TREH: variants seen among roughly 807,000 people sequenced by gnomAD.
TREH encodes the protein trehalase, also known as alpha,alpha-trehalose glucohydrolase.
TREH carries 69 observed loss-of-function variants against 80.5 expected under a neutral mutation model. The ratio of observed to expected loss-of-function variants is 0.86; its 90% CI spans 0.71 to 1.05. The LOEUF (loss-of-function observed/expected upper bound fraction) is 1.05, where lower values mean the gene tolerates loss of function less well. TREH is among the 50% of genes least tolerant of loss of function. The pLI is 0.00. For missense variants in TREH, 716 were observed against 718.8 expected, an observed-to-expected ratio of 1.00 and a Z score of 0.04; for synonymous variants, 309 against 293.5, an observed-to-expected ratio of 1.05 and a Z score of -0.54.
intron 1 of TREH, among the ~76,000 whole-genome samples, chr11:118,679,232 G>T (rs1949509975): frequency 6.6e-6 from 1 of 152,110 alleles, no homozygotes; most frequent in Non-Finnish European, 1.5e-5. Flanking sequence ...AGCTACTCAG[G>T]AGGCTGAGGC....
rs781859386 is a variant in TREH, at chr11:118,661,637, G to A, written c.617C>T (p.Thr206Ile). Residue 206 changes from threonine (T) to isoleucine (I), a missense_variant and splice_region_variant, in exon 6 of 15, where the codon ACC (threonine) becomes ATC (isoleucine). Transcript: ENST00000264029. The surrounding 1 kb of genome is among the most constrained non-coding windows in gnomAD (Gnocchi z 4.2). ...MLQNFLDLVK[T>I]YGHVPNGGRV... ...GCTGGAGGTGCCTGGCCCCCCTCAC[G>A]TTTTCACCAGGTCCAAGAAGTTCTG... is the stretch of plus-strand genomic sequence containing the variant. The A allele has an allele frequency of 1.5e-5, 25 of 1,613,868 alleles. No individual in the cohort carries two copies. The highest frequency in any genetic ancestry group is 2.0e-5 in the Non-Finnish European group (24 of 1,179,876).
Position 118,659,425 on chromosome 11 carries a change from G to T in TREH, c.1377C>A (p.Gly459=). The change falls in exon 12 of 15, where the codon GGC becomes GGA. Residue 459 remains glycine (G), a synonymous_variant. Coordinates refer to ENST00000264029, the MANE Select transcript of TREH (RefSeq NM_007180.3). ...YGIPTSLQKT[G]QQWDFPNAWA... The stretch of plus-strand genomic sequence containing the variant: ...AGGCATTGGGGAAATCCCACTGCTG[G>T]CCTGTCTTCTGGAGAGAGGTCGGGA... The T allele has an allele frequency of 3.7e-6, 6 of 1,607,878 alleles. No individual in the cohort carries two copies. The highest frequency in any genetic ancestry group is 5.1e-6 in the Non-Finnish European group (6 of 1,176,880).
intron 1 of TREH, among the ~76,000 whole-genome samples, chr11:118,668,219 A>G (rs1949396261): frequency 6.6e-6 from 1 of 152,060 alleles, no homozygotes; most frequent in South Asian, 2.1e-4. Context: ...ATATTAGAGG[A>G]GGAGGGAATA....
chr11:118,664,817 T>C (rs1810274344), intron 1 of TREH, among the ~76,000 whole-genome samples: 1 of 152,092 alleles, frequency 6.6e-6, no homozygotes, highest in Admixed American at 6.5e-5. Flanking sequence ...CCTTCAAAAA[T>C]GTGTGCTCTG....
chr11:118,664,154 C>A (rs980538945), intron 1 of TREH, among the ~76,000 whole-genome samples: 9 of 152,110 alleles, frequency 5.9e-5, no homozygotes, highest in Non-Finnish European at 1.3e-4. Context: ...TTGGAAGCAC[C>A]GAGGAGCTGA....
Position 118,661,915 on chromosome 11 carries a change from C to T in TREH, c.499G>A (p.Gly167Ser), listed in dbSNP as rs368350996. 4.9e-5 allele frequency: 76 copies of T among 1,555,966 alleles called. No homozygotes were observed. Among genetic ancestry groups the T allele is most frequent in the Non-Finnish European group, 6.1e-5 (70 of 1,149,528 alleles). ...CAGTAGTAGAACTCAACAAAGCGAC[C>T]GCCAGGCACAATGAAGGGATGTTCT... is the stretch of plus-strand genomic sequence containing the variant. ...YSEHPFIVPG[G>S]RFVEFYYWDS... Residue 167 changes from glycine (G) to serine (S), a missense_variant, in exon 5 of 15, where the codon GGT becomes AGT. Gly to Ser is a moderately conservative substitution (Grantham distance 56). Coordinates refer to ENST00000264029, the MANE Select transcript of TREH (RefSeq NM_007180.3). The surrounding 1 kb of genome is among the most constrained non-coding windows in gnomAD (Gnocchi z 4.2).
At chr11:118,668,864 T>C (rs57169119) in intron 1 of TREH, among the ~76,000 whole-genome samples, 1,598 of 152,086 alleles carry the variant, frequency 0.011, 24 homozygotes, top group African/African-American at 0.035. Flanking sequence ...TGCATGAACC[T>C]GGGAGGCAGA....
At chr11:118,668,548 T>A (rs1410318360) in intron 1 of TREH, among the ~76,000 whole-genome samples, 4 of 93,948 alleles carry the variant, frequency 4.3e-5, no homozygotes, top group Non-Finnish European at 7.5e-5. Flanking sequence ...GGCAACAGGG[T>A]GAGACTCTGT....
At position 118,661,286 on chromosome 11, in the gene TREH, G is replaced by T; in HGVS notation, c.735-4C>A. 1 of 1,613,978 alleles carries T rather than the reference G, an allele frequency of 6.2e-7. No individual in the cohort carries two copies. The highest frequency in any genetic ancestry group is 1.1e-5 in the South Asian group (1 of 91,074). ...GGCTAGTGTTTCAATGTTTTCCCTG[G>T]AGTGAAGCAGACAACACCTCAGCCC... On this transcript the variant is annotated splice_polypyrimidine_tract_variant and splice_region_variant and intron_variant, in intron 7 of 14. Transcript: ENST00000264029. The surrounding 1 kb of genome is among the most constrained non-coding windows in gnomAD (Gnocchi z 4.2).
intron 1 of TREH, among the ~76,000 whole-genome samples, chr11:118,668,850 G>T (rs1179921937): frequency 6.6e-6 from 1 of 152,044 alleles, no homozygotes; most frequent in African/African-American, 2.4e-5. Flanking sequence ...TGAGGCAGGA[G>T]AATTGCATGA....
intron 4 of TREH, among the ~76,000 whole-genome samples, chr11:118,662,382 T>TG (rs1210374172): frequency 6.6e-6 from 1 of 152,214 alleles, no homozygotes; most frequent in Non-Finnish European, 1.5e-5. Flanking sequence ...CCCAGAGGAT[T>TG]GGCCCATCAC....
At position 118,661,355 on chromosome 11, in the gene TREH, G is replaced by A. The variant is rs1591829647; in HGVS notation, c.734+38C>T. The A allele has an allele frequency of 6.2e-7, 1 of 1,613,976 alleles. No individual in the cohort carries two copies. Among genetic ancestry groups the A allele is most frequent in the Non-Finnish European group, 8.5e-7 (1 of 1,179,848 alleles). Reference sequence around the variant, plus strand: ...CAGCCCTGAGAGGTCTGAGGGATGGGTGGGTCTGCAGAGCAGCACAGGGAG... The same window carrying A: ...CAGCCCTGAGAGGTCTGAGGGATGGATGGGTCTGCAGAGCAGCACAGGGAG... On this transcript the variant is annotated intron_variant, in intron 7 of 14. Coordinates refer to ENST00000264029, the MANE Select transcript of TREH (RefSeq NM_007180.3). This position sits in a 1 kb window ranked among gnomAD's most constrained non-coding sequence, Gnocchi z 4.2.
chr11:118,659,508 CTG>C, intron 11 of TREH, 27 bp from the exon 12 acceptor site: 2 of 1,532,258 alleles, frequency 1.3e-6, no homozygotes, highest in Non-Finnish European at 1.8e-6. Context: ...ATTCCCATGA[CTG>C]TGGGTGGGGC....
rs1368707525 is a variant in TREH at position 118,659,095 on chromosome 11, C to T, written c.1433-78G>A. The T allele has an allele frequency of 2.1e-6, 3 of 1,435,446 alleles. No individual in the cohort carries two copies. In the African/African-American group the frequency reaches 4.2e-5, roughly 20 times the overall value. 88.9% of individuals were successfully genotyped at this position (1,435,446 alleles called of 1,614,324 possible). ...AGCAGTGGCTGCACCCTACTCTCCC[C>T]AAGGAGGGAAAGAGGCCTGGGCCCT... On this transcript the variant is annotated intron_variant, in intron 12 of 14. Transcript: ENST00000264029.
intron 4 of TREH, among the ~76,000 whole-genome samples, chr11:118,662,195 G>A (rs1183972362): frequency 6.6e-6 from 1 of 151,986 alleles, no homozygotes; most frequent in African/African-American, 2.4e-5. Flanking sequence ...GCCGGCCTTG[G>A]GAGTCCCAGC....
At chr11:118,664,807 C>T (rs1399715723) in intron 1 of TREH, among the ~76,000 whole-genome samples, 6 of 152,218 alleles carry the variant, frequency 3.9e-5, no homozygotes, top group East Asian at 1.9e-4. Context: ...GGCTTACATA[C>T]CTTCAAAAAT....
At chr11:118,662,026 T>C (rs1555145124) in intron 4 of TREH, 36 bp from the exon 5 acceptor site, 1 of 1,510,370 alleles carries the variant, frequency 6.6e-7, no homozygotes, top group East Asian at 2.5e-5. Context: ...GAGCCTAGAA[T>C]CCCCACGGAA....
Position 118,663,345 on chromosome 11 carries a change from C to T in TREH, c.184G>A (p.Ala62Thr), listed in dbSNP as rs1555145358. 1 of 1,588,828 alleles carries T rather than the reference C, an allele frequency of 6.3e-7. No individual in the cohort carries two copies. The highest frequency in any genetic ancestry group is 8.6e-7 in the Non-Finnish European group (1 of 1,167,374). Reference sequence around the variant, plus strand: ...TCAGCCCTAGGTGCTTCACCTGGAGCTATAGACAGTGGCATGTCCACAAAC... The same window carrying T: ...TCAGCCCTAGGTGCTTCACCTGGAGTTATAGACAGTGGCATGTCCACAAAC... ...KQFVDMPLSI[A>T]PEQVLQTFTE... is the part of the protein sequence containing the mutation. The change falls in exon 2 of 15, where the codon GCT becomes ACT. Residue 62 changes from alanine (A) to threonine (T), a missense_variant. Transcript: ENST00000264029.
intron 4 of TREH, among the ~76,000 whole-genome samples, 151 bp from the exon 5 acceptor site, chr11:118,662,141 CA>C (rs1304209271): frequency 1.3e-5 from 2 of 152,200 alleles, no homozygotes; most frequent in Non-Finnish European, 2.9e-5. Context: ...GCCATGTAAT[CA>C]AGGCCTGGCC....
Sources: gnomAD v4.1 joint callset for allele counts (sites outside exome capture counted in the v4.1 genomes callset) on GRCh38, gnomAD v4.1.1 for gene constraint, Gnocchi (gnomAD v3.1) non-coding constraint, MANE v1.5 for transcripts, NCBI Gene and HGNC (gene_info 2026-07-23, HGNC 2026-07-21) for gene names.